Variants in NBAS observed in about 807,000 individuals in gnomAD.
NBAS encodes NAG/BC035112 fusion.
In NBAS, 219 loss-of-function variants were observed where a neutral mutation model predicts 302.5. That is an observed-to-expected ratio of 0.72 (90% CI 0.65 to 0.81). The LOEUF is 0.81. Ranked by LOEUF, NBAS falls within the 30% of genes least tolerant of loss-of-function variation. The pLI is 0.00. For synonymous variants in NBAS, 1,118 were observed against 1,021.6 expected, an observed-to-expected ratio of 1.09 and a Z score of -1.80; for missense variants, 2,932 against 2,841.6, an observed-to-expected ratio of 1.03 and a Z score of -0.72.
chr2:15,009,812 G>A, the NBAS span, among the ~76,000 whole-genome samples: 1 of 151,294 alleles, frequency 6.6e-6, no homozygotes, highest in Non-Finnish European at 1.5e-5. Context: ...ATTCCCCACA[G>A]GACCATGCAA....
At chr2:15,283,840 G>A (rs1669927738) in intron 42 of NBAS, among the ~76,000 whole-genome samples, 1 of 152,142 alleles carries the variant, frequency 6.6e-6, no homozygotes, top group African/African-American at 2.4e-5. Flanking sequence ...GGCAGATTTG[G>A]ATCTTGAAAG....
the NBAS span, among the ~76,000 whole-genome samples, chr2:14,832,096 T>C: frequency 1.3e-5 from 2 of 152,134 alleles, no homozygotes; most frequent in Non-Finnish European, 2.9e-5. Flanking sequence ...CATGGCTGTG[T>C]GTTTTCACCT....
At chr2:15,540,811 C>T (rs1028361983) in intron 6 of NBAS, among the ~76,000 whole-genome samples, 3 of 152,118 alleles carry the variant, frequency 2.0e-5, no homozygotes, top group African/African-American at 7.2e-5. Flanking sequence ...CAACCTCCAT[C>T]TCCTGGGCTC....
intron 9 of NBAS, among the ~76,000 whole-genome samples, chr2:15,520,039 C>A (rs902095515): frequency 6.6e-6 from 1 of 152,142 alleles, no homozygotes; most frequent in African/African-American, 2.4e-5. Context: ...GATAACTGGG[C>A]ATCATATTTA....
intron 49 of NBAS, 143 bp from the exon 50 acceptor site, chr2:15,187,023 A>G: frequency 8.1e-7 from 1 of 1,228,272 alleles, no homozygotes; most frequent in African/African-American, 1.5e-5. Context: ...ACCTTGTAGA[A>G]AAGATAACAC....
chr2:15,024,082 T>C, the NBAS span, among the ~76,000 whole-genome samples: 1 of 152,098 alleles, frequency 6.6e-6, no homozygotes, highest in Non-Finnish European at 1.5e-5. Flanking sequence ...ATAGTCATAG[T>C]ACCCAAGGGT....
At chr2:14,919,824 C>A in the NBAS span, among the ~76,000 whole-genome samples, 9 of 152,296 alleles carry the variant, frequency 5.9e-5, no homozygotes, top group East Asian at 1.7e-3. Flanking sequence ...ACTTCTAATT[C>A]TATTTTTCTT....
chr2:15,315,999 T>G (rs934432032), intron 38 of NBAS, among the ~76,000 whole-genome samples: 3 of 152,132 alleles, frequency 2.0e-5, no homozygotes, highest in Non-Finnish European at 4.4e-5. Context: ...GAAGCAATAT[T>G]TGACAAAATA....
intron 28 of NBAS, among the ~76,000 whole-genome samples, chr2:15,386,715 A>AT (rs1463851633): frequency 1.3e-5 from 2 of 152,244 alleles, no homozygotes; most frequent in African/African-American, 4.8e-5. Flanking sequence ...CATAAACTAA[A>AT]TGACTACTAG....
intron 9 of NBAS, among the ~76,000 whole-genome samples, chr2:15,531,704 T>C (rs1663224219): frequency 6.6e-6 from 1 of 152,208 alleles, no homozygotes; most frequent in Non-Finnish European, 1.5e-5. Flanking sequence ...CTGCTGTTCC[T>C]AGAAAATGCC....
At chr2:15,196,997 T>A (rs1665654932) in intron 48 of NBAS, among the ~76,000 whole-genome samples, 1 of 152,076 alleles carries the variant, frequency 6.6e-6, no homozygotes, top group African/African-American at 2.4e-5. Context: ...CCACACAAAA[T>A]GAAATAAAAA....
At chr2:15,197,423 C>T (rs1028881747) in intron 48 of NBAS, among the ~76,000 whole-genome samples, 3 of 152,144 alleles carry the variant, frequency 2.0e-5, no homozygotes, top group Non-Finnish European at 2.9e-5. Flanking sequence ...GTGCTGATGA[C>T]GTCTACTTCA....
the NBAS span, among the ~76,000 whole-genome samples, chr2:14,968,650 T>C: frequency 6.6e-6 from 1 of 152,130 alleles, no homozygotes; most frequent in Non-Finnish European, 1.5e-5. Flanking sequence ...AAAAATAAGA[T>C]ACCACTTCAC....
At chr2:15,285,951 C>T (rs530473736) in intron 42 of NBAS, among the ~76,000 whole-genome samples, 10 of 152,276 alleles carry the variant, frequency 6.6e-5, no homozygotes, top group African/African-American at 1.4e-4. Flanking sequence ...TGAGCCATGG[C>T]GCCTGGCCTC....
rs1665291900 is a variant in NBAS at position 15,190,364 on chromosome 2, A to G, written c.6472T>C (p.Cys2158Arg). 1 of 1,613,918 alleles carries G rather than the reference A, an allele frequency of 6.2e-7. No homozygotes were observed. Among genetic ancestry groups the G allele is most frequent in the Non-Finnish European group, 8.5e-7 (1 of 1,179,902 alleles). Residue 2158 changes from cysteine to arginine, a missense_variant, in exon 49 of 52, where the codon TGT becomes CGT. By Grantham distance (180) the Cys-to-Arg change is radical. Transcript: ENST00000281513. ...ADIENEENRY[C>R]LFMELLESSH... ...GATTCCAGGAGTTCCATGAATAGACAGTAGCGGTTCTCTTCATTCTCAATG... is the reference window on the plus strand; with the variant it reads ...GATTCCAGGAGTTCCATGAATAGACGGTAGCGGTTCTCTTCATTCTCAATG...
chr2:14,972,950 C>T, the NBAS span, among the ~76,000 whole-genome samples: 1 of 152,180 alleles, frequency 6.6e-6, no homozygotes, highest in Non-Finnish European at 1.5e-5. Context: ...TTGGCTAGAA[C>T]CATCAAACAC....
chr2:15,473,145 T>C, intron 16 of NBAS, 77 bp downstream of exon 16: 1 of 1,508,236 alleles, frequency 6.6e-7, no homozygotes, highest in Non-Finnish European at 9.1e-7. Flanking sequence ...TGTAAAGTAC[T>C]CTAAAATGAA....
At chr2:15,115,612 C>T in the NBAS span, among the ~76,000 whole-genome samples, 14 of 152,202 alleles carry the variant, frequency 9.2e-5, no homozygotes, top group Admixed American at 2.6e-4. Context: ...GAAATCTTCC[C>T]GCTTCAGCCT....
At chr2:15,354,213 G>C (rs1221203238) in intron 33 of NBAS, among the ~76,000 whole-genome samples, 2 of 152,174 alleles carry the variant, frequency 1.3e-5, no homozygotes, top group African/African-American at 4.8e-5. Context: ...GCTAGAAAAA[G>C]AGATATTATG....
Sources: gnomAD v4.1 joint callset for allele counts (sites outside exome capture counted in the v4.1 genomes callset) on GRCh38, gnomAD v4.1.1 for gene constraint, MANE v1.5 for transcripts, NCBI Gene and HGNC (gene_info 2026-07-23, HGNC 2026-07-21) for gene names.